NOS1AP: variants seen among roughly 807,000 people sequenced by gnomAD.
NOS1AP encodes carboxyl-terminal PDZ ligand of neuronal nitric oxide synthase protein.
A neutral mutation model predicts 56.2 loss-of-function variants in NOS1AP; 21 were observed. The ratio of observed to expected loss-of-function variants is 0.37; its 90% CI spans 0.26 to 0.54. NOS1AP has a LOEUF of 0.54. NOS1AP is among the 20% of genes least tolerant of loss of function. The pLI, the probability that NOS1AP is intolerant of heterozygous loss-of-function variation, is 0.84. For missense variants in NOS1AP, 522 were observed against 657.8 expected (o/e 0.79, Z 2.26); for synonymous variants, 270 against 274.6 (o/e 0.98, Z 0.17).
chr1:162,357,330 G>A, intron 8 of NOS1AP, 194 bp downstream of exon 8: 2 of 1,106,166 alleles, frequency 1.8e-6, no homozygotes, highest in Middle Eastern at 2.9e-4. Flanking sequence ...AAATGGAGAG[G>A]CACATTTTGG....
At chr1:162,197,529 T>A (rs1301933651) in intron 2 of NOS1AP, among the ~76,000 whole-genome samples, 7 of 152,162 alleles carry the variant, frequency 4.6e-5, no homozygotes, top group Non-Finnish European at 1.0e-4. Context: ...CCTAGTCTGT[T>A]CCTAAAAATA....
intron 2 of NOS1AP, among the ~76,000 whole-genome samples, chr1:162,253,509 T>A (rs1040710528): frequency 6.6e-6 from 1 of 152,104 alleles, no homozygotes; most frequent in African/African-American, 2.4e-5. Flanking sequence ...ATTAGAAAAA[T>A]GAGGAAAAAA....
intron 6 of NOS1AP, among the ~76,000 whole-genome samples, chr1:162,347,114 G>A (rs1361170231): frequency 6.6e-6 from 1 of 152,178 alleles, no homozygotes. Flanking sequence ...CCTCTAGCTG[G>A]TTGCTTGGCT....
chr1:162,155,615 A>G (rs1394205417), intron 2 of NOS1AP, among the ~76,000 whole-genome samples: 1 of 151,976 alleles, frequency 6.6e-6, no homozygotes, highest in East Asian at 1.9e-4. Flanking sequence ...TTCACTATAC[A>G]TTCTCGCTGG....
intron 2 of NOS1AP, among the ~76,000 whole-genome samples, chr1:162,278,585 C>T (rs1654817977): frequency 6.6e-6 from 1 of 152,032 alleles, no homozygotes; most frequent in African/African-American, 2.4e-5. Flanking sequence ...GTCTCATACC[C>T]ACTTTTGGTC....
At chr1:162,332,871 CTT>C (rs1397803987) in intron 4 of NOS1AP, 144 bp from the exon 5 acceptor site, 1 of 690,670 alleles carries the variant, frequency 1.4e-6, no homozygotes, top group Non-Finnish European at 2.6e-6. Context: ...TGCATTGTGA[CTT>C]TTTGATCCTG....
intron 2 of NOS1AP, among the ~76,000 whole-genome samples, chr1:162,169,369 TA>T (rs1650654829): frequency 6.6e-6 from 1 of 152,234 alleles, no homozygotes; most frequent in Non-Finnish European, 1.5e-5. Context: ...TGGCTGCCTT[TA>T]AATTTAACAA....
In NOS1AP at chr1:162,367,122, G is replaced by A. The variant is rs368581226; in HGVS notation, c.1176G>A (p.Thr392=). The change falls in exon 10 of 10, where the codon ACG becomes ACA. Residue 392 remains threonine, a synonymous_variant. Transcript: ENST00000361897. The surrounding 1 kb of genome is among the most constrained non-coding windows in gnomAD (Gnocchi z 6.5). Reference sequence around the variant, plus strand: ...CCCTGCCCGTGCTCTGTGACCCCACGACCCCTAAGCCAGAGGACCTGCATT... The same window carrying A: ...CCCTGCCCGTGCTCTGTGACCCCACAACCCCTAAGCCAGAGGACCTGCATT... ...SGALPVLCDP[T]TPKPEDLHSP... The A allele has an allele frequency of 8.7e-6, 14 of 1,613,720 alleles. No homozygotes were observed. In the African/African-American group the frequency reaches 1.7e-4, roughly 20 times the overall value.
rs148578434 is a variant in NOS1AP, at chr1:162,164,337, G to A, written c.177+9861G>A. Among the ~76,000 whole-genome samples, 742 of 152,230 alleles carry A rather than the reference G, an allele frequency of 4.9e-3. 5 individuals carry two copies. Among genetic ancestry groups the A allele is most frequent in the Middle Eastern group, 0.024 (7 of 294 alleles). ...TTGAGCATCTACTCTTTGTTTTGATGACTTCTATGGCACACATATGTATAT... is the reference window on the plus strand; with the variant it reads ...TTGAGCATCTACTCTTTGTTTTGATAACTTCTATGGCACACATATGTATAT... On this transcript the variant is annotated intron_variant, in intron 2 of 9. Transcript: ENST00000361897.
intron 1 of NOS1AP, among the ~76,000 whole-genome samples, chr1:162,076,842 T>C (rs1558088494): frequency 6.6e-6 from 1 of 152,258 alleles, no homozygotes; most frequent in South Asian, 2.1e-4. Context: ...TATGGAATTA[T>C]ACAATATGTG....
At position 162,367,629 on chromosome 1, in the gene NOS1AP, G is replaced by GA; in HGVS notation, c.*163dup. On this transcript the variant is annotated 3_prime_UTR_variant, in exon 10 of 10. Transcript: ENST00000361897. The surrounding 1 kb of genome is among the most constrained non-coding windows in gnomAD (Gnocchi z 6.5). ...AGGAAAGTATTGAGATTCTGCTTTG[G>GA]AGGGTAAAGTGGGGAAGAAATCGGA... is the stretch of plus-strand genomic sequence containing the variant. 1 of 801,048 alleles carries GA rather than the reference G, an allele frequency of 1.2e-6. No individual in the cohort carries two copies. Among genetic ancestry groups the GA allele is most frequent in the Non-Finnish European group, 1.9e-6 (1 of 520,742 alleles). 49.6% of individuals were successfully genotyped at this position (801,048 alleles called of 1,614,324 possible).
At chr1:162,366,099 A>G (rs1192101246) in intron 9 of NOS1AP, among the ~76,000 whole-genome samples, 5 of 152,182 alleles carry the variant, frequency 3.3e-5, no homozygotes, top group Admixed American at 2.0e-4. Context: ...GCTGGGCAAT[A>G]GCAGAGGTTG....
chr1:162,358,299 A>G (rs948909568), intron 8 of NOS1AP, among the ~76,000 whole-genome samples: 11 of 152,266 alleles, frequency 7.2e-5, no homozygotes, highest in Middle Eastern at 3.4e-3. Context: ...AGGATCTGCT[A>G]TGACTCAGGG....
chr1:162,129,499 A>G (rs944440058), intron 1 of NOS1AP, among the ~76,000 whole-genome samples: 17 of 152,156 alleles, frequency 1.1e-4, no homozygotes, highest in African/African-American at 3.9e-4. Context: ...CTATAGATCT[A>G]TTTGTCCTAA....
intron 1 of NOS1AP, among the ~76,000 whole-genome samples, chr1:162,137,369 C>T (rs1291815538): frequency 2.6e-5 from 4 of 152,178 alleles, no homozygotes; most frequent in Non-Finnish European, 4.4e-5. Flanking sequence ...CGTTTGCTTG[C>T]ACTTTAACTG....
chr1:162,252,998 C>G (rs1480046490), intron 2 of NOS1AP, among the ~76,000 whole-genome samples: 1 of 152,112 alleles, frequency 6.6e-6, no homozygotes, highest in Non-Finnish European at 1.5e-5. Context: ...TAATTGGTCT[C>G]TGCTATGGTT....
intron 2 of NOS1AP, among the ~76,000 whole-genome samples, chr1:162,235,052 C>T (rs949586660): frequency 1.3e-5 from 2 of 152,112 alleles, no homozygotes; most frequent in Admixed American, 1.3e-4. Context: ...TTGTTTTAAA[C>T]CTGAGCGTTC....
chr1:162,365,171 C>T, intron 8 of NOS1AP: 2 of 1,428,068 alleles, frequency 1.4e-6, no homozygotes, highest in South Asian at 1.5e-5. Context: ...CTTAGTGATG[C>T]ATCATGGCCC....
chr1:162,351,670 T>A (rs1484418962), intron 6 of NOS1AP, among the ~76,000 whole-genome samples: 1 of 152,200 alleles, frequency 6.6e-6, no homozygotes, highest in Non-Finnish European at 1.5e-5. Context: ...TGCAGATAGA[T>A]AAGGTCGGGT....
Sources: gnomAD v4.1 joint callset for allele counts (sites outside exome capture counted in the v4.1 genomes callset) on GRCh38, gnomAD v4.1.1 for gene constraint, Gnocchi (gnomAD v3.1) non-coding constraint, MANE v1.5 for transcripts, NCBI Gene and HGNC (gene_info 2026-07-23, HGNC 2026-07-21) for gene names.